Variants in SULF2 observed in about 807,000 individuals in gnomAD.
SULF2 encodes the protein sulfatase 2, also known as extracellular sulfatase Sulf-2.
A neutral mutation model predicts 107.7 loss-of-function variants in SULF2; 52 were observed. That is an observed-to-expected ratio of 0.48 (90% confidence interval 0.39 to 0.61). The LOEUF is 0.61. Ranked by LOEUF, SULF2 falls within the 20% of genes least tolerant of loss-of-function variation. The pLI, the probability that SULF2 is intolerant of heterozygous loss-of-function variation, is 0.00. For missense variants in SULF2, 993 were observed against 1,177.3 expected (o/e 0.84, Z 2.29); for synonymous variants, 460 against 464.3 (o/e 0.99, Z 0.12).
At chr20:47,739,858 C>A (rs1391920270) in intron 2 of SULF2, among the ~76,000 whole-genome samples, 1 of 152,178 alleles carries the variant, frequency 6.6e-6, no homozygotes, top group Admixed American at 6.5e-5. Flanking sequence ...TGTCCACAGA[C>A]CTGTGTGTTG....
At chr20:47,714,657 A>C (rs1430664931) in intron 3 of SULF2, among the ~76,000 whole-genome samples, 1 of 152,138 alleles carries the variant, frequency 6.6e-6, no homozygotes, top group Non-Finnish European at 1.5e-5. Flanking sequence ...CAGTGGCTCC[A>C]CATCCACCTC....
intron 3 of SULF2, among the ~76,000 whole-genome samples, chr20:47,703,343 A>G (rs904208855): frequency 1.3e-5 from 2 of 152,264 alleles, no homozygotes; most frequent in Non-Finnish European, 2.9e-5. Context: ...GATTCTGCCA[A>G]CATACTGTGG....
At chr20:47,782,132 C>T (rs889678890) in intron 1 of SULF2, among the ~76,000 whole-genome samples, 1 of 152,130 alleles carries the variant, frequency 6.6e-6, no homozygotes. Context: ...CTAACTGATA[C>T]TCCATTTGCA....
At chr20:47,714,541 G>A (rs923525205) in intron 3 of SULF2, among the ~76,000 whole-genome samples, 16 of 152,078 alleles carry the variant, frequency 1.1e-4, no homozygotes, top group Admixed American at 2.0e-4. Flanking sequence ...CTGGAACCTC[G>A]TCCCTGGTCC....
At position 47,670,079 on chromosome 20, in the gene SULF2, G is replaced by A. The variant is rs73312179; in HGVS notation, c.1576+2119C>T. On this transcript the variant is annotated intron_variant, in intron 11 of 20. Coordinates refer to ENST00000688720, the MANE Select transcript of SULF2 (RefSeq NM_001387048.1). The stretch of plus-strand genomic sequence containing the variant: ...ATGGAGAGAGACTTATCTGCTCCAC[G>A]ATGAAGACATTTGCTGCCTGGCTGG... 3.7e-3 allele frequency among the ~76,000 whole-genome samples: 566 copies of A among 152,312 alleles called. 5 individuals carry two copies. The highest frequency in any genetic ancestry group is 0.013 in the African/African-American group (526 of 41,574).
chr20:47,774,839 T>C (rs1025445860), intron 1 of SULF2, among the ~76,000 whole-genome samples: 10 of 152,292 alleles, frequency 6.6e-5, no homozygotes, highest in African/African-American at 2.2e-4. Flanking sequence ...TCAATCAGAC[T>C]TTCTTACCAT....
At chr20:47,714,880 A>G (rs2146665294) in intron 3 of SULF2, among the ~76,000 whole-genome samples, 1 of 152,222 alleles carries the variant, frequency 6.6e-6, no homozygotes, top group East Asian at 1.9e-4. Flanking sequence ...AGATACCTGC[A>G]TGGGCTGCTT....
chr20:47,733,248 G>A (rs1045185041), intron 3 of SULF2, among the ~76,000 whole-genome samples: 2 of 152,136 alleles, frequency 1.3e-5, no homozygotes, highest in Non-Finnish European at 2.9e-5. Context: ...CACTTCACAG[G>A]GGAAGATTCA....
chr20:47,666,954 AGATTGGT>A lies in SULF2; in HGVS notation c.1577-473_1577-467del. ...AGGTAAATCTATAGCGGCAGAAAGA[AGATTGGT>A]GATTGCCAGGGGCTGGGGGAGAGGG... On this transcript the variant is annotated intron_variant, in intron 11 of 20. Coordinates refer to ENST00000688720, the MANE Select transcript of SULF2 (RefSeq NM_001387048.1). The surrounding 1 kb of genome is among the most constrained non-coding windows in gnomAD (Gnocchi z 5.4). Among the ~76,000 whole-genome samples, 1 of 152,182 alleles carries A rather than the reference AGATTGGT, an allele frequency of 6.6e-6. No homozygotes were observed. Among genetic ancestry groups the A allele is most frequent in the Non-Finnish European group, 1.5e-5 (1 of 68,036 alleles).
chr20:47,666,543 T>A lies in SULF2; in HGVS notation c.1577-55A>T. ...GGGAGGCAGGAAAGGCTGGCCAGGC[T>A]CCCAGGGCAGTGGGTCCTTCATCAA... is the stretch of plus-strand genomic sequence containing the variant. On this transcript the variant is annotated intron_variant, in intron 11 of 20. Coordinates refer to ENST00000688720, the MANE Select transcript of SULF2 (RefSeq NM_001387048.1). This position sits in a 1 kb window ranked among gnomAD's most constrained non-coding sequence, Gnocchi z 5.4. 1 of 1,456,896 alleles carries A rather than the reference T, an allele frequency of 6.9e-7. No individual in the cohort carries two copies. Among genetic ancestry groups the A allele is most frequent in the Non-Finnish European group, 9.5e-7 (1 of 1,056,328 alleles). The allele number at this position is 1,456,896 out of a possible 1,614,324, so 90.2% of individuals were successfully genotyped here. A position where few individuals can be genotyped will look rare whatever the true frequency, so the allele number is the denominator to read the frequency against.
At chr20:47,773,852 T>C (rs1214075265) in intron 1 of SULF2, among the ~76,000 whole-genome samples, 1 of 152,232 alleles carries the variant, frequency 6.6e-6, no homozygotes, top group Non-Finnish European at 1.5e-5. Context: ...TTAGCCCTGC[T>C]TACCCCCACA....
chr20:47,745,306 C>G (rs1183488856), intron 2 of SULF2, among the ~76,000 whole-genome samples: 6 of 148,430 alleles, frequency 4.0e-5, no homozygotes, highest in African/African-American at 1.5e-4. Context: ...TTTAGCCACC[C>G]TGCACCTCAG....
At chr20:47,659,653 A>G (rs2087002610) in intron 19 of SULF2, 44 bp downstream of exon 19, 1 of 1,568,554 alleles carries the variant, frequency 6.4e-7, no homozygotes, top group Non-Finnish European at 8.8e-7. Context: ...GGATGGGCCA[A>G]GATAGGAGAA....
rs2090909338 is a variant in SULF2 at position 47,785,417 on chromosome 20, C to G, written c.-175G>C. 1 of 146,276 alleles carries G rather than the reference C, an allele frequency of 6.8e-6. No homozygotes were observed. The highest frequency in any genetic ancestry group is 1.8e-4 in the South Asian group (1 of 5,574). 9.1% of individuals were successfully genotyped at this position (146,276 alleles called of 1,614,324 possible). ...CCTCTGCCGCAGCCCGGCCGGGCCG[C>G]TGGGCGCAGGGGACTCCGCGCCGCC... On this transcript the variant is annotated 5_prime_UTR_variant, in exon 1 of 21. Coordinates refer to ENST00000688720, the MANE Select transcript of SULF2 (RefSeq NM_001387048.1).
At chr20:47,676,759 C>T in intron 9 of SULF2, 136 bp from the exon 10 acceptor site, 1 of 1,046,570 alleles carries the variant, frequency 9.6e-7, no homozygotes, top group Non-Finnish European at 1.3e-6. Flanking sequence ...GGCCACCTGC[C>T]CGGGTCTTCT....
At chr20:47,714,068 T>C (rs1211891716) in intron 3 of SULF2, among the ~76,000 whole-genome samples, 2 of 152,170 alleles carry the variant, frequency 1.3e-5, no homozygotes, top group African/African-American at 2.4e-5. Context: ...CCAAAGCAAT[T>C]CAGAGAGGTC....
At position 47,745,393 on chromosome 20, in the gene SULF2, AAAAAAAAAAAAAAAAAAATATATATAT is replaced by A. The variant is rs1156306232; in HGVS notation, c.176-8478_176-8452del. Reference sequence around the variant, plus strand: ...TCTGAGTTTTGAGGGAAAAAAAAAAAAAAAAAAAAAAAAAAAAATATATATATATATATATATATATATATATATATA... The same window carrying A: ...TCTGAGTTTTGAGGGAAAAAAAAAAAATATATATATATATATATATATATA... On this transcript the variant is annotated intron_variant, in intron 2 of 20. Transcript: ENST00000688720. Among the ~76,000 whole-genome samples, 2 of 16,794 alleles carry A rather than the reference AAAAAAAAAAAAAAAAAAATATATATAT, an allele frequency of 1.2e-4. 1 individual carries two copies. Among genetic ancestry groups the A allele is most frequent in the African/African-American group, 1.4e-3 (2 of 1,444 alleles). 11.0% of individuals were successfully genotyped at this position (16,794 alleles called of 152,430 possible).
chr20:47,663,508 G>T lies in SULF2; in HGVS notation c.2172C>A (p.Gly724=), dbSNP rs150627838. Residue 724 remains glycine, a synonymous_variant, in exon 16 of 21, where the codon GGC becomes GGA. Coordinates refer to ENST00000688720, the MANE Select transcript of SULF2 (RefSeq NM_001387048.1). ...LQNNDTCSMP[G]LTCFTHDNQH... is the part of the protein sequence containing the mutation. ...GGTTGTCGTGGGTGAAGCACGTGAG[G>T]CCTGGCATGCTGCACGTGTCGTTGT... The T allele has an allele frequency of 2.7e-5, 44 of 1,612,316 alleles. No individual in the cohort carries two copies. The East Asian group carries it at 9.8e-4, about 36-fold the overall frequency.
intron 2 of SULF2, among the ~76,000 whole-genome samples, chr20:47,752,031 C>T (rs1328173174): frequency 1.3e-5 from 2 of 152,228 alleles, no homozygotes; most frequent in East Asian, 3.8e-4. Context: ...GCCAGCTCAC[C>T]TGCATGAGCG....
Sources: allele counts gnomAD v4.1 joint callset (sites outside exome capture counted in the v4.1 genomes callset), GRCh38; gene constraint gnomAD v4.1.1; non-coding constraint Gnocchi (gnomAD v3.1); transcripts MANE v1.5; gene names NCBI Gene and HGNC (gene_info 2026-07-23, HGNC 2026-07-21).